Variants in LRCH1 observed in about 807,000 individuals in gnomAD.
LRCH1 encodes leucine-rich repeat and calponin homology domain-containing protein 1.
LRCH1 carries 23 observed loss-of-function variants against 94.9 expected under a neutral mutation model. That is an observed-to-expected ratio of 0.24 (90% CI 0.17 to 0.34). The LOEUF is 0.34. Ranked by LOEUF, LRCH1 falls within the 10% of genes least tolerant of loss-of-function variation. The probability of loss-of-function intolerance (pLI) is 1.00; values close to 1 mark genes in which losing one functional copy is unlikely to be tolerated. For missense variants in LRCH1, 790 were observed against 945.9 expected (o/e 0.84, Z 2.16); for synonymous variants, 364 against 354.9 (o/e 1.03, Z -0.29).
At chr13:46,587,705 T>G (rs2137955219) in intron 1 of LRCH1, among the ~76,000 whole-genome samples, 1 of 152,334 alleles carries the variant, frequency 6.6e-6, no homozygotes, top group East Asian at 1.9e-4. Context: ...GGAGATGAAC[T>G]TCATTAAATG....
chr13:46,728,981 G>T lies in LRCH1; in HGVS notation c.2004G>T (p.Ala668=). 1 of 1,611,640 alleles carries T rather than the reference G, an allele frequency of 6.2e-7. No homozygotes were observed. Among genetic ancestry groups the T allele is most frequent in the Non-Finnish European group, 8.5e-7 (1 of 1,178,648 alleles). The part of the protein sequence containing the change: ...SVASIHVPSP[A]VPKLSMAKCR... ...CAAGCATCCATGTCCCATCACCAGC[G>T]GTTGTAAGTAACACCAAAGGGAAAC... Residue 668 remains alanine (A), a synonymous_variant, in exon 18 of 20, where the codon GCG becomes GCT. Coordinates refer to ENST00000389797, the MANE Select transcript of LRCH1 (RefSeq NM_001164211.2).
Position 46,735,001 on chromosome 13 carries a change from C to A in LRCH1, c.2085+1003C>A, listed in dbSNP as rs540950836. 4.9e-4 allele frequency among the ~76,000 whole-genome samples: 74 copies of A among 150,870 alleles called. 1 individual carries two copies. Among genetic ancestry groups the A allele is most frequent in the Middle Eastern group, 3.4e-3 (1 of 294 alleles). On this transcript the variant is annotated intron_variant, in intron 19 of 19. Transcript: ENST00000389797. ...TTCCTTTTTTTTCCTTTCTTCCTTT[C>A]TTTCCCTCTTTTTTCAGCTTGGTGG...
At position 46,557,471 on chromosome 13, in the gene LRCH1, GCCTAGGTGGAAGGA is replaced by G. The variant is rs1191062414; in HGVS notation, c.307+3771_307+3784del. Among the ~76,000 whole-genome samples, 16 of 150,298 alleles carry G rather than the reference GCCTAGGTGGAAGGA, an allele frequency of 1.1e-4. No individual in the cohort carries two copies. In the South Asian group the frequency reaches 1.5e-3, roughly 14 times the overall value. On this transcript the variant is annotated intron_variant, in intron 1 of 19. Coordinates refer to ENST00000389797, the MANE Select transcript of LRCH1 (RefSeq NM_001164211.2). ...ACCTGTAATCCCAGCACTTTGGGAGGCCTAGGTGGAAGGACCACTTGACCCCAGGAGTTTGAGAA... is the reference window on the plus strand; with the variant it reads ...ACCTGTAATCCCAGCACTTTGGGAGGCCACTTGACCCCAGGAGTTTGAGAA...
At chr13:46,734,086 T>C in intron 19 of LRCH1, 88 bp downstream of exon 19, 1 of 580,080 alleles carries the variant, frequency 1.7e-6, no homozygotes, top group Non-Finnish European at 3.0e-6. Flanking sequence ...ATGCAAAGCT[T>C]TGTACATGCT....
chr13:46,605,020 G>A (rs937943897), intron 1 of LRCH1, among the ~76,000 whole-genome samples: 2 of 152,226 alleles, frequency 1.3e-5, no homozygotes, highest in African/African-American at 4.8e-5. Context: ...ATGTCATGGT[G>A]CCAGTTCTTA....
chr13:46,729,550 CAAAAAAAA>C (rs61033499), intron 18 of LRCH1, among the ~76,000 whole-genome samples: 3 of 89,144 alleles, frequency 3.4e-5, no homozygotes, highest in East Asian at 3.3e-4. Flanking sequence ...GACCCTGTCT[CAAAAAAAA>C]AAAAAAAAAA....
At chr13:46,673,215 T>G (rs896041775) in intron 3 of LRCH1, among the ~76,000 whole-genome samples, 3 of 152,138 alleles carry the variant, frequency 2.0e-5, no homozygotes, top group African/African-American at 4.8e-5. Context: ...ACATTTCTGG[T>G]GTTCAGTGGC....
chr13:46,610,067 A>G (rs777688617), intron 1 of LRCH1, among the ~76,000 whole-genome samples: 1 of 152,194 alleles, frequency 6.6e-6, no homozygotes, highest in Non-Finnish European at 1.5e-5. Flanking sequence ...TGTACTGTTC[A>G]TCAGCTTCAC....
intron 16 of LRCH1, among the ~76,000 whole-genome samples, chr13:46,719,275 T>G (rs186166141): frequency 6.6e-6 from 1 of 152,356 alleles, no homozygotes; most frequent in African/African-American, 2.4e-5. Context: ...GACTGAGCTT[T>G]AAGTGAGGGA....
intron 2 of LRCH1, among the ~76,000 whole-genome samples, chr13:46,653,054 G>A (rs1000756995): frequency 6.6e-6 from 1 of 152,204 alleles, no homozygotes; most frequent in Non-Finnish European, 1.5e-5. Context: ...TTAAGGCAAA[G>A]ACAGAGAATT....
intron 1 of LRCH1, among the ~76,000 whole-genome samples, chr13:46,573,857 TA>T (rs1401510706): frequency 0.024 from 1,847 of 76,584 alleles, 68 homozygotes; most frequent in Middle Eastern, 0.05. Flanking sequence ...TATATATATA[TA>T]TATATATATT....
At chr13:46,582,959 A>G (rs996302102) in intron 1 of LRCH1, among the ~76,000 whole-genome samples, 21 of 152,182 alleles carry the variant, frequency 1.4e-4, no homozygotes, top group African/African-American at 4.8e-4. Flanking sequence ...AGTTCTATAT[A>G]TAGTCAAGAG....
At chr13:46,683,373 T>G (rs1448388491) in intron 4 of LRCH1, among the ~76,000 whole-genome samples, 1 of 152,240 alleles carries the variant, frequency 6.6e-6, no homozygotes, top group Non-Finnish European at 1.5e-5. Flanking sequence ...AGTTAGAAAC[T>G]CAACATTTTT....
chr13:46,669,001 C>T, intron 2 of LRCH1, 29 bp from the exon 3 acceptor site: 1 of 1,613,136 alleles, frequency 6.2e-7, no homozygotes, highest in South Asian at 1.1e-5. Flanking sequence ...TTTCTGTTTA[C>T]ATGTGTTCTT....
intron 13 of LRCH1, among the ~76,000 whole-genome samples, chr13:46,711,462 A>T (rs1217817747): frequency 1.3e-5 from 2 of 152,216 alleles, no homozygotes; most frequent in Admixed American, 6.5e-5. Flanking sequence ...CATAATTAAA[A>T]TGAGGATGGG....
intron 3 of LRCH1, among the ~76,000 whole-genome samples, chr13:46,672,545 G>A (rs1169088871): frequency 1.3e-5 from 2 of 152,150 alleles, no homozygotes; most frequent in Non-Finnish European, 2.9e-5. Context: ...CTGAGAGTCA[G>A]CCGCATACTA....
chr13:46,616,713 G>A (rs2050813272), intron 1 of LRCH1, among the ~76,000 whole-genome samples: 1 of 152,212 alleles, frequency 6.6e-6, no homozygotes, highest in Non-Finnish European at 1.5e-5. Context: ...TTTCATGCGC[G>A]TTCGTGTGAA....
intron 19 of LRCH1, among the ~76,000 whole-genome samples, chr13:46,734,485 C>T (rs9595523): frequency 0.011 from 1,659 of 152,250 alleles, 25 homozygotes; most frequent in African/African-American, 0.038. Flanking sequence ...TATCACTAAT[C>T]GTTATCATTA....
At chr13:46,606,855 A>G (rs1311413069) in intron 1 of LRCH1, among the ~76,000 whole-genome samples, 1 of 152,208 alleles carries the variant, frequency 6.6e-6, no homozygotes, top group Non-Finnish European at 1.5e-5. Context: ...GGTGTGAGCC[A>G]CAGCACCTGG....
Sources: gnomAD v4.1 joint callset for allele counts (sites outside exome capture counted in the v4.1 genomes callset) on GRCh38, gnomAD v4.1.1 for gene constraint, MANE v1.5 for transcripts, NCBI Gene and HGNC (gene_info 2026-07-23, HGNC 2026-07-21) for gene names.